OTUD7A: variants seen among roughly 807,000 people sequenced by gnomAD.
OTUD7A encodes OTU deubiquitinase 7A, also known as OTU domain-containing protein 7A.
In OTUD7A, 12 loss-of-function variants were observed where a neutral mutation model predicts 65.7. That is an observed-to-expected ratio of 0.18 (90% CI 0.12 to 0.30). The LOEUF is 0.30. Ranked by LOEUF, OTUD7A falls within the 10% of genes least tolerant of loss-of-function variation. The pLI is 1.00. For missense variants in OTUD7A, 1,148 were observed against 1,304.8 expected (o/e 0.88, Z 1.85); for synonymous variants, 641 against 586.3 (o/e 1.09, Z -1.35).
intron 5 of OTUD7A, among the ~76,000 whole-genome samples, chr15:31,539,201 C>T (rs180734107): frequency 6.4e-4 from 98 of 152,272 alleles, no homozygotes; most frequent in African/African-American, 2.3e-3. Flanking sequence ...TCCTTCCTCC[C>T]CACACCCCAA....
intron 1 of OTUD7A, among the ~76,000 whole-genome samples, chr15:31,695,145 T>C (rs189864133): frequency 1.1e-4 from 16 of 152,150 alleles, no homozygotes; most frequent in South Asian, 4.2e-4. Flanking sequence ...GCCCCGGCCA[T>C]GTTTTACATT....
At position 31,484,455 on chromosome 15, in the gene OTUD7A, G is replaced by A. The variant is rs952136648; in HGVS notation, c.1641C>T (p.His547=). Residue 547 remains histidine (H), a synonymous_variant, in exon 13 of 13, where the codon CAC becomes CAT. Transcript: ENST00000307050. The surrounding 1 kb of genome is among the most constrained non-coding windows in gnomAD (Gnocchi z 4.5). ...CGGAGTTGGCGCGGCCCATCTTGCCGTGCACCAGGCCGCCGAGGCCGCCCA... is the reference window on the plus strand; with the variant it reads ...CGGAGTTGGCGCGGCCCATCTTGCCATGCACCAGGCCGCCGAGGCCGCCCA... ...KNMGGLGGLV[H]GKMGRANSAN... 25 of 1,604,694 alleles carry A rather than the reference G, an allele frequency of 1.6e-5. No homozygotes were observed. Among genetic ancestry groups the A allele is most frequent in the Non-Finnish European group, 2.0e-5 (24 of 1,179,914 alleles).
At chr15:31,584,509 G>T (rs918881007) in intron 3 of OTUD7A, among the ~76,000 whole-genome samples, 1 of 152,206 alleles carries the variant, frequency 6.6e-6, no homozygotes, top group African/African-American at 2.4e-5. Context: ...ACCTGCTAAT[G>T]ACCTTGCCTG....
At chr15:31,807,069 T>C (rs1896288877) in intron 1 of OTUD7A, among the ~76,000 whole-genome samples, 1 of 152,244 alleles carries the variant, frequency 6.6e-6, no homozygotes, top group Admixed American at 6.5e-5. Context: ...GCTATTTCAA[T>C]TCAATCTGTT....
At chr15:31,864,379 A>T (rs1567061558) in intron 1 of OTUD7A, among the ~76,000 whole-genome samples, 2 of 152,198 alleles carry the variant, frequency 1.3e-5, no homozygotes, top group African/African-American at 4.8e-5. Context: ...GAAACTGGGA[A>T]CAAAAAGAGG....
chr15:31,862,061 G>A (rs953337279), intron 1 of OTUD7A, among the ~76,000 whole-genome samples: 4 of 152,110 alleles, frequency 2.6e-5, no homozygotes, highest in Non-Finnish European at 4.4e-5. Flanking sequence ...CCTCCCCCAG[G>A]GGAAAATGCC....
intron 5 of OTUD7A, among the ~76,000 whole-genome samples, chr15:31,555,492 G>A (rs1888460100): frequency 6.6e-6 from 1 of 152,172 alleles, no homozygotes; most frequent in African/African-American, 2.4e-5. Flanking sequence ...TTTCTTGGAT[G>A]GCCACTTCAT....
intron 3 of OTUD7A, among the ~76,000 whole-genome samples, chr15:31,599,565 A>C (rs1295731148): frequency 6.6e-6 from 1 of 152,200 alleles, no homozygotes; most frequent in Non-Finnish European, 1.5e-5. Context: ...AAATTCCAAA[A>C]ACCAGAACGC....
At chr15:31,640,707 TA>T (rs11287505) in intron 3 of OTUD7A, among the ~76,000 whole-genome samples, 43,539 of 151,928 alleles carry the variant, frequency 0.29, 7,336 homozygotes, top group African/African-American at 0.47. Context: ...TTCTCTACAT[TA>T]AAAAAACTAC....
intron 1 of OTUD7A, among the ~76,000 whole-genome samples, chr15:31,682,873 G>C (rs1285799834): frequency 6.6e-6 from 1 of 152,164 alleles, no homozygotes; most frequent in African/African-American, 2.4e-5. Context: ...ATATGTGCAT[G>C]TTTGCATGCG....
chr15:31,682,670 T>C (rs1892745468), intron 1 of OTUD7A, among the ~76,000 whole-genome samples: 1 of 152,194 alleles, frequency 6.6e-6, no homozygotes, highest in Non-Finnish European at 1.5e-5. Flanking sequence ...TCAATCTACA[T>C]CTTACACCAT....
At chr15:31,601,866 A>C (rs1220410167) in intron 3 of OTUD7A, among the ~76,000 whole-genome samples, 1 of 152,226 alleles carries the variant, frequency 6.6e-6, no homozygotes, top group Non-Finnish European at 1.5e-5. Context: ...GAAACGGATA[A>C]ATTCCTGGAC....
At chr15:31,820,528 G>A (rs1005119326) in intron 1 of OTUD7A, among the ~76,000 whole-genome samples, 1 of 152,106 alleles carries the variant, frequency 6.6e-6, no homozygotes, top group Admixed American at 6.5e-5. Flanking sequence ...TGCTTCCCAT[G>A]CATTTATTTA....
At chr15:31,551,012 G>A (rs1221178933) in intron 5 of OTUD7A, among the ~76,000 whole-genome samples, 2 of 152,182 alleles carry the variant, frequency 1.3e-5, no homozygotes, top group African/African-American at 4.8e-5. Flanking sequence ...ACCTGGGAGA[G>A]GGCAGGTAGG....
chr15:31,554,641 C>T (rs934602645), intron 5 of OTUD7A, among the ~76,000 whole-genome samples: 3 of 152,172 alleles, frequency 2.0e-5, no homozygotes, highest in Admixed American at 2.0e-4. Context: ...GTGACTCCTG[C>T]ATTACACAAA....
At chr15:31,753,719 TA>T (rs1567005060) in intron 1 of OTUD7A, among the ~76,000 whole-genome samples, 3 of 100,540 alleles carry the variant, frequency 3.0e-5, no homozygotes, top group African/African-American at 6.5e-5. Context: ...TATATATATA[TA>T]TTATATATAT....
chr15:31,524,140 G>GT (rs553283780), intron 8 of OTUD7A, among the ~76,000 whole-genome samples: 14,323 of 147,070 alleles, frequency 0.097, 1,076 homozygotes, highest in African/African-American at 0.22. Context: ...TGAGTTTTTT[G>GT]TTTTTTTTTT....
chr15:31,491,507 G>A (rs1416314174), intron 10 of OTUD7A, among the ~76,000 whole-genome samples: 2 of 152,180 alleles, frequency 1.3e-5, no homozygotes, highest in African/African-American at 4.8e-5. Flanking sequence ...CAGCATCTAA[G>A]AGCTGTGTGA....
At chr15:31,490,873 C>T (rs1277771895) in intron 10 of OTUD7A, among the ~76,000 whole-genome samples, 1 of 152,024 alleles carries the variant, frequency 6.6e-6, no homozygotes, top group African/African-American at 2.4e-5. Context: ...ACACTGGGTG[C>T]ACTAAGGGTC....
Sources: allele counts gnomAD v4.1 joint callset (sites outside exome capture counted in the v4.1 genomes callset), GRCh38; gene constraint gnomAD v4.1.1; non-coding constraint Gnocchi (gnomAD v3.1); transcripts MANE v1.5; gene names NCBI Gene and HGNC (gene_info 2026-07-23, HGNC 2026-07-21).